HEATR5B: variants seen among roughly 807,000 people sequenced by gnomAD.
The protein encoded by HEATR5B is HEAT repeat-containing protein 5B.
A neutral mutation model predicts 224.1 loss-of-function variants in HEATR5B; 156 were observed. That is an observed-to-expected ratio of 0.70 (90% CI 0.61 to 0.80). The LOEUF (loss-of-function observed/expected upper bound fraction) is 0.80. HEATR5B is among the 30% of genes least tolerant of loss of function. HEATR5B has a pLI of 0.00. For missense variants in HEATR5B, 2,323 were observed against 2,535.5 expected (o/e 0.92, Z 1.80); for synonymous variants, 1,027 against 893.0 (o/e 1.15, Z -2.68).
chr2:37,015,416 C>T, intron 26 of HEATR5B, among the ~76,000 whole-genome samples: 1 of 151,868 alleles, frequency 6.6e-6, no homozygotes, highest in Middle Eastern at 3.2e-3. Context: ...TTTTATAATA[C>T]CATAGAACAG....
chr2:37,015,126 G>T (rs1219887511), intron 26 of HEATR5B, among the ~76,000 whole-genome samples: 1 of 152,194 alleles, frequency 6.6e-6, no homozygotes, highest in African/African-American at 2.4e-5. Flanking sequence ...ATTCTAGCAG[G>T]AGGAATGGGA....
chr2:37,012,645 C>G (rs1437652246), intron 27 of HEATR5B, among the ~76,000 whole-genome samples: 1 of 152,210 alleles, frequency 6.6e-6, no homozygotes, highest in South Asian at 2.1e-4. Context: ...CTGCCTCGGC[C>G]TCCCAAAGTG....
intron 18 of HEATR5B, among the ~76,000 whole-genome samples, chr2:37,049,317 G>A (rs556005719): frequency 6.6e-6 from 1 of 152,276 alleles, no homozygotes; most frequent in African/African-American, 2.4e-5. Context: ...AGAGGGACAA[G>A]GAAAGGGAGG....
At position 36,995,734 on chromosome 2, in the gene HEATR5B, T is replaced by C. The variant is rs1217906387; in HGVS notation, c.5545+4852A>G. 5.9e-5 allele frequency among the ~76,000 whole-genome samples: 9 copies of C among 152,244 alleles called. No individual in the cohort carries two copies. In the East Asian group the frequency reaches 7.7e-4, roughly 13 times the overall value. ...ATAAACATGGTACTTAATAGATATA[T>C]TGGATATATTATCCAAATGAATATA... On this transcript the variant is annotated intron_variant, in intron 33 of 35. Transcript: ENST00000233099.
intron 32 of HEATR5B, among the ~76,000 whole-genome samples, chr2:37,001,453 G>C (rs987378448): frequency 1.1e-4 from 16 of 152,060 alleles, no homozygotes; most frequent in Middle Eastern, 6.8e-3. Context: ...AACTCTAAGA[G>C]GTAGAAAGGT....
chr2:37,042,569 A>C (rs1669938964), intron 18 of HEATR5B, among the ~76,000 whole-genome samples: 1 of 152,244 alleles, frequency 6.6e-6, no homozygotes, highest in Non-Finnish European at 1.5e-5. Flanking sequence ...AGATATCAGC[A>C]GTTTACAAAT....
chr2:37,059,456 A>G (rs866534650), intron 12 of HEATR5B, among the ~76,000 whole-genome samples: 2 of 108,482 alleles, frequency 1.8e-5, no homozygotes, highest in African/African-American at 7.0e-5. Context: ...GTATATATAT[A>G]TATATATATT....
intron 18 of HEATR5B, among the ~76,000 whole-genome samples, chr2:37,044,364 A>G (rs904357750): frequency 1.3e-5 from 2 of 152,222 alleles, no homozygotes; most frequent in African/African-American, 4.8e-5. Context: ...ATGAAATCAG[A>G]TAGTACCTAG....
At chr2:37,043,272 G>A (rs67727986) in intron 18 of HEATR5B, among the ~76,000 whole-genome samples, 2 of 152,176 alleles carry the variant, frequency 1.3e-5, no homozygotes, top group African/African-American at 4.8e-5. Flanking sequence ...CTGACACAAA[G>A]CACAATCAAA....
Position 36,990,807 on chromosome 2 carries a change from T to C in HEATR5B, c.5546-8A>G, listed in dbSNP as rs756400314. 1.3e-6 allele frequency: 2 copies of C among 1,537,046 alleles called. No homozygotes were observed. Among genetic ancestry groups the C allele is most frequent in the Non-Finnish European group, 8.8e-7 (1 of 1,140,596 alleles). Reference sequence around the variant, plus strand: ...GTGTAGGTACAGAGTCTTCTGAAAATGAAAAATGAAAGAAGTGTGCTGTTT... The same window carrying C: ...GTGTAGGTACAGAGTCTTCTGAAAACGAAAAATGAAAGAAGTGTGCTGTTT... On this transcript the variant is annotated splice_region_variant and splice_polypyrimidine_tract_variant and intron_variant, in intron 33 of 35. Coordinates refer to ENST00000233099, the MANE Select transcript of HEATR5B (RefSeq NM_019024.3).
At chr2:37,020,158 G>C (rs1171938702) in intron 25 of HEATR5B, among the ~76,000 whole-genome samples, 1 of 152,136 alleles carries the variant, frequency 6.6e-6, no homozygotes, top group East Asian at 1.9e-4. Context: ...ACCCACCTCG[G>C]CCTCCCAAAG....
Position 37,058,532 on chromosome 2 carries a change from C to G in HEATR5B, c.1978G>C (p.Ala660Pro). The change falls in exon 14 of 36, where the codon GCT becomes CCT. Residue 660 changes from alanine (A) to proline (P), a missense_variant. Physicochemically the swap from Ala to Pro is conservative, Grantham distance 27 (BLOSUM62 -1). Transcript: ENST00000233099. ...ATTGCAGCACTAGCTTTCAGATGAG[C>G]TCCATGGGCTTTCATTACAGATGGA... The part of the protein sequence containing the change: ...HIPSVMKAHG[A>P]HLKASAAMVR... 1 of 1,612,194 alleles carries G rather than the reference C, an allele frequency of 6.2e-7. No homozygotes were observed.
At chr2:37,055,025 C>T (rs190129241) in intron 16 of HEATR5B, 22 of 332,258 alleles carry the variant, frequency 6.6e-5, no homozygotes, top group South Asian at 3.9e-4. Context: ...TTCAGATGTA[C>T]GTGTATACAT....
rs748875790 is a variant in HEATR5B, at chr2:37,068,680, C to A, written c.1177+1G>T. ...ACACACATAATGATACTGATTCTTA[C>A]CTACGGCTTTCATTTGTTTTCCAAT... On this transcript the variant is annotated splice_donor_variant, in intron 8 of 35. Transcript: ENST00000233099. LOFTEE classifies it high-confidence loss of function. 2 of 1,613,862 alleles carry A rather than the reference C, an allele frequency of 1.2e-6. No homozygotes were observed. The highest frequency in any genetic ancestry group is 1.7e-6 in the Non-Finnish European group (2 of 1,179,918).
intron 33 of HEATR5B, among the ~76,000 whole-genome samples, chr2:36,996,368 C>T (rs1396683045): frequency 1.5e-4 from 23 of 150,754 alleles, no homozygotes. Flanking sequence ...CCTGATTTTT[C>T]TTTTATATGC....
At chr2:37,042,439 G>C (rs990393058) in intron 18 of HEATR5B, among the ~76,000 whole-genome samples, 1 of 152,144 alleles carries the variant, frequency 6.6e-6, no homozygotes, top group Non-Finnish European at 1.5e-5. Context: ...CCCTATGAGA[G>C]CAACACAAAT....
chr2:37,075,115 G>C (rs1672146693), intron 5 of HEATR5B, among the ~76,000 whole-genome samples: 1 of 152,178 alleles, frequency 6.6e-6, no homozygotes, highest in Non-Finnish European at 1.5e-5. Context: ...CTTATATACA[G>C]ATGTTCACAG....
At position 36,999,524 on chromosome 2, in the gene HEATR5B, C is replaced by T. The variant is rs542113756; in HGVS notation, c.5545+1062G>A. 8.6e-5 allele frequency among the ~76,000 whole-genome samples: 13 copies of T among 151,014 alleles called. No homozygotes were observed. In the East Asian group the frequency reaches 1.2e-3, roughly 14 times the overall value. On this transcript the variant is annotated intron_variant, in intron 33 of 35. Transcript: ENST00000233099. ...GAAACCCCGTCTCTACCAAAAAATA[C>T]ACACGTTAGCCAGGCACGGTTGCGC...
chr2:37,023,227 A>G (rs1668573205), intron 24 of HEATR5B, among the ~76,000 whole-genome samples: 1 of 152,238 alleles, frequency 6.6e-6, no homozygotes, highest in Non-Finnish European at 1.5e-5. Context: ...CAGTGAACTG[A>G]AAAGACTTAG....
Sources: allele counts gnomAD v4.1 joint callset (sites outside exome capture counted in the v4.1 genomes callset), GRCh38; gene constraint gnomAD v4.1.1; transcripts MANE v1.5; gene names NCBI Gene and HGNC (gene_info 2026-07-23, HGNC 2026-07-21).